The following CHRNA7 variants were observed in gnomAD, a reference collection of about 807,000 sequenced individuals.
CHRNA7 encodes the protein cholinergic receptor nicotinic alpha 7 subunit.
A neutral mutation model predicts 48.0 loss-of-function variants in CHRNA7; 17 were observed. The ratio of observed to expected loss-of-function variants is 0.35; its 90% CI spans 0.24 to 0.53. The LOEUF is 0.53. CHRNA7 is among the 20% of genes least tolerant of loss of function. CHRNA7 has a pLI of 0.92. For missense variants in CHRNA7, 155 were observed against 577.7 expected (o/e 0.27, Z 7.50); for synonymous variants, 75 against 242.3 (o/e 0.31, Z 6.41).
At chr15:32,131,990 G>A (rs77985184) in intron 4 of CHRNA7, among the ~76,000 whole-genome samples, 411 of 152,284 alleles carry the variant, frequency 2.7e-3, no homozygotes, top group African/African-American at 9.2e-3. Flanking sequence ...AGCAGGAGGC[G>A]GCTGGGTCAA....
intron 2 of CHRNA7, among the ~76,000 whole-genome samples, chr15:32,048,552 TTC>T (rs2049600133): frequency 6.6e-6 from 1 of 152,172 alleles, no homozygotes; most frequent in South Asian, 2.1e-4. Context: ...TATTTGATTC[TTC>T]TCTCTTTTTT....
chr15:32,050,651 A>G (rs2049652613), intron 2 of CHRNA7, among the ~76,000 whole-genome samples: 1 of 152,126 alleles, frequency 6.6e-6, no homozygotes, highest in African/African-American at 2.4e-5. Flanking sequence ...CAACTCGTCA[A>G]AGTCATTCTC....
chr15:32,070,519 G>C (rs1296270855), intron 2 of CHRNA7, among the ~76,000 whole-genome samples: 1 of 151,724 alleles, frequency 6.6e-6, no homozygotes, highest in Non-Finnish European at 1.5e-5. Flanking sequence ...CATGTTTTTA[G>C]TGTCATGTCC....
At chr15:32,038,098 T>C (rs1321953825) in intron 2 of CHRNA7, among the ~76,000 whole-genome samples, 1 of 147,256 alleles carries the variant, frequency 6.8e-6, no homozygotes, top group African/African-American at 2.5e-5. Context: ...ATACATTTTG[T>C]GTATATGTAA....
chr15:32,093,308 G>T (rs2050412634), intron 2 of CHRNA7, among the ~76,000 whole-genome samples: 1 of 152,158 alleles, frequency 6.6e-6, no homozygotes, highest in Non-Finnish European at 1.5e-5. Context: ...TCCCCAAGAG[G>T]TAGGTCCTTT....
intron 2 of CHRNA7, among the ~76,000 whole-genome samples, chr15:32,038,253 A>G (rs1421337097): frequency 1.3e-5 from 2 of 149,700 alleles, no homozygotes; most frequent in African/African-American, 4.9e-5. Context: ...ACATATACAA[A>G]AAACCTACAG....
chr15:32,030,590 TC>T lies in CHRNA7; in HGVS notation c.-4del. The T allele has an allele frequency of 6.5e-7, 1 of 1,536,084 alleles. No homozygotes were observed. The highest frequency in any genetic ancestry group is 8.7e-7 in the Non-Finnish European group (1 of 1,149,196). On this transcript the variant is annotated 5_prime_UTR_variant, in exon 1 of 10. Coordinates refer to ENST00000306901, the MANE Select transcript of CHRNA7 (RefSeq NM_000746.6). ...CGCCGGCTCGCTGCAGCTCCGGGAC[TC>T]AACATGCGCTGCTCGCCGGGAGGCG... is the stretch of plus-strand genomic sequence containing the variant.
intron 4 of CHRNA7, among the ~76,000 whole-genome samples, chr15:32,132,158 G>C (rs113620211): frequency 0.017 from 2,615 of 152,196 alleles, 68 homozygotes; most frequent in African/African-American, 0.056. Context: ...GTGTTTCCCT[G>C]GGGCAGCGCT....
chr15:32,055,213 TTAC>T (rs1362425812), intron 2 of CHRNA7, among the ~76,000 whole-genome samples: 1 of 152,130 alleles, frequency 6.6e-6, no homozygotes, highest in Non-Finnish European at 1.5e-5. Flanking sequence ...TCGTGTCTCT[TTAC>T]TATTTCTCTC....
rs2051558461 is a variant in CHRNA7 at position 32,149,046 on chromosome 15, AAG to A, written c.351-4858_351-4857del. 6.6e-6 allele frequency among the ~76,000 whole-genome samples: 1 copy of A among 152,142 alleles called. No homozygotes were observed. Among genetic ancestry groups the A allele is most frequent in the African/African-American group, 2.4e-5 (1 of 41,440 alleles). ...TAGGGCTCAGAGCTCTCCTCACACC[AAG>A]AGTGGGCCCCAGTCATTGCTGGCTG... On this transcript the variant is annotated intron_variant, in intron 4 of 9. Transcript: ENST00000306901. The surrounding 1 kb of genome is among the most constrained non-coding windows in gnomAD (Gnocchi z 4.6).
intron 4 of CHRNA7, among the ~76,000 whole-genome samples, chr15:32,119,812 A>G (rs1337358995): frequency 6.6e-6 from 1 of 152,008 alleles, no homozygotes; most frequent in Non-Finnish European, 1.5e-5. Context: ...GGAAGGGAGG[A>G]AGGGCAAGTG....
chr15:32,049,941 A>T (rs2049634305), intron 2 of CHRNA7, among the ~76,000 whole-genome samples: 2 of 152,026 alleles, frequency 1.3e-5, no homozygotes, highest in Non-Finnish European at 1.5e-5. Flanking sequence ...TCTAGGTGAA[A>T]ATTCTTTTCT....
chr15:32,042,653 C>G (rs1321276182), intron 2 of CHRNA7, among the ~76,000 whole-genome samples: 7 of 152,130 alleles, frequency 4.6e-5, no homozygotes, highest in Non-Finnish European at 8.8e-5. Flanking sequence ...GGTGGTTTTG[C>G]TGATTAGTCT....
At chr15:32,075,183 T>C (rs1449909703) in intron 2 of CHRNA7, among the ~76,000 whole-genome samples, 1 of 152,200 alleles carries the variant, frequency 6.6e-6, no homozygotes, top group Non-Finnish European at 1.5e-5. Flanking sequence ...TTCTTTTTTA[T>C]ACTTTCTTTG....
At chr15:32,153,291 G>A (rs1235856286) in intron 4 of CHRNA7, 1 of 151,380 alleles carries the variant, frequency 6.6e-6, no homozygotes, top group African/African-American at 2.4e-5. Flanking sequence ...GTGTGGTGGT[G>A]TGCACCTGTA....
At chr15:32,101,728 A>G (rs948906049) in intron 3 of CHRNA7, 1 of 187,792 alleles carries the variant, frequency 5.3e-6, no homozygotes. Flanking sequence ...TGCATGTTTG[A>G]ATCAGGTGGA....
chr15:32,064,505 G>GTGTGTA (rs1555375858), intron 2 of CHRNA7, among the ~76,000 whole-genome samples: 3 of 129,210 alleles, frequency 2.3e-5, no homozygotes, highest in African/African-American at 8.3e-5. Context: ...GTGTGTGTAT[G>GTGTGTA]TGTGTGTGTG....
chr15:32,153,620 TTTACAGGTTTCA>T (rs1223656743), intron 4 of CHRNA7: 1 of 586,340 alleles, frequency 1.7e-6, no homozygotes, highest in Non-Finnish European at 3.1e-6. Context: ...TCCAGAGTTG[TTTACAGGTTTCA>T]TTTGGTTAAG....
intron 2 of CHRNA7, among the ~76,000 whole-genome samples, chr15:32,055,776 G>A (rs199644456): frequency 1.3e-5 from 2 of 152,136 alleles, no homozygotes; most frequent in East Asian, 3.9e-4. Flanking sequence ...TCAGGAGATC[G>A]AGACCATCCT....
Sources: gnomAD v4.1 joint callset for allele counts (sites outside exome capture counted in the v4.1 genomes callset) on GRCh38, gnomAD v4.1.1 for gene constraint, Gnocchi (gnomAD v3.1) non-coding constraint, MANE v1.5 for transcripts, NCBI Gene and HGNC (gene_info 2026-07-23, HGNC 2026-07-21) for gene names.